ZNF442: variants seen among roughly 807,000 people sequenced by gnomAD.
The protein encoded by ZNF442 is zinc finger protein 442.
A neutral mutation model predicts 57.0 loss-of-function variants in ZNF442; 45 were observed. The observed-to-expected ratio is 0.79, with a 90% confidence interval of 0.62 to 1.01. The LOEUF (loss-of-function observed/expected upper bound fraction) is 1.01, where lower values mean the gene tolerates loss of function less well. Ranked by LOEUF, ZNF442 falls within the 50% of genes least tolerant of loss-of-function variation. The pLI is 0.00. For synonymous variants in ZNF442, 213 were observed against 241.8 expected, an observed-to-expected ratio of 0.88 and a Z score of 1.10; for missense variants, 690 against 756.5, an observed-to-expected ratio of 0.91 and a Z score of 1.03.
chr19:12,347,192 T>C lies in ZNF442; in HGVS notation c.*2509A>G, dbSNP rs1969144354. The C allele has an allele frequency of 6.6e-6, 1 of 152,138 alleles. No homozygotes were observed. The highest frequency in any genetic ancestry group is 1.5e-5 in the Non-Finnish European group (1 of 68,022). 9.4% of individuals were successfully genotyped at this position (152,138 alleles called of 1,614,324 possible). Reference sequence around the variant, plus strand: ...CTCATGAATACTTCAATGAAACAGCTCTTATCAAGGCCCCCAGTGACCAAA... The same window carrying C: ...CTCATGAATACTTCAATGAAACAGCCCTTATCAAGGCCCCCAGTGACCAAA... On this transcript the variant is annotated 3_prime_UTR_variant, in exon 6 of 6. Transcript: ENST00000242804.
chr19:12,358,023 C>T (rs898789910), intron 3 of ZNF442, among the ~76,000 whole-genome samples: 2 of 148,410 alleles, frequency 1.3e-5, no homozygotes, highest in South Asian at 4.2e-4. Flanking sequence ...AGTGCAATGG[C>T]GCGATCTCGG....
intron 3 of ZNF442, among the ~76,000 whole-genome samples, 181 bp from the exon 4 acceptor site, chr19:12,353,295 G>A (rs1304204424): frequency 6.6e-6 from 1 of 152,194 alleles, no homozygotes; most frequent in Non-Finnish European, 1.5e-5. Context: ...TGCTAGAATT[G>A]AATGTTGTTG....
intron 3 of ZNF442, among the ~76,000 whole-genome samples, chr19:12,362,561 C>A (rs758333806): frequency 4.6e-4 from 70 of 151,518 alleles, no homozygotes; most frequent in Non-Finnish European, 3.1e-4. Flanking sequence ...CAGCTCCCGC[C>A]CGGCCAGCCA....
At position 12,349,506 on chromosome 19, in the gene ZNF442, A is replaced by G. The variant is rs1969177481; in HGVS notation, c.*195T>C. On this transcript the variant is annotated 3_prime_UTR_variant, in exon 6 of 6. Transcript: ENST00000242804. ...TTACATGCAAATGTCCTTTTATAAA[A>G]GGAACACAGCATCTGTGGATTTAGG... 2.0e-6 allele frequency: 1 copy of G among 498,164 alleles called. No individual in the cohort carries two copies. The allele number at this position is 498,164 out of a possible 1,614,324, so 30.9% of individuals were successfully genotyped here. A position where few individuals can be genotyped will look rare whatever the true frequency, so the allele number is the denominator to read the frequency against.
At chr19:12,367,249 C>T (rs983776986), upstream of ZNF442, among the ~76,000 whole-genome samples, 116 of 152,236 alleles carry the variant, frequency 7.6e-4, no homozygotes, top group Middle Eastern at 3.4e-3. Context: ...CATCACATAT[C>T]GGCAGGTTCC....
At chr19:12,362,102 T>C (rs1969439764) in intron 3 of ZNF442, among the ~76,000 whole-genome samples, 1 of 152,158 alleles carries the variant, frequency 6.6e-6, no homozygotes, top group East Asian at 1.9e-4. Flanking sequence ...TGCCTTGGCC[T>C]CCCAAAGTGC....
chr19:12,370,035 G>A (rs1407078553), upstream of ZNF442, among the ~76,000 whole-genome samples: 1 of 151,988 alleles, frequency 6.6e-6, no homozygotes, highest in African/African-American at 2.4e-5. Flanking sequence ...TAGTTTCTTA[G>A]AAGATAATTT....
chr19:12,368,748 A>C (rs907976887), upstream of ZNF442, among the ~76,000 whole-genome samples: 2 of 152,180 alleles, frequency 1.3e-5, no homozygotes, highest in African/African-American at 4.8e-5. Flanking sequence ...AGGACAGATA[A>C]TAAAGAAATC....
Position 12,362,408 on chromosome 19 carries a change from C to T in ZNF442, c.78+1146G>A, listed in dbSNP as rs1286065373. On this transcript the variant is annotated intron_variant, in intron 3 of 5. Coordinates refer to ENST00000242804, the MANE Select transcript of ZNF442 (RefSeq NM_030824.3). ...GAACTGAGGAGTGTCTCTGCCCGAC[C>T]GCCACCCCGTCTGGGAGGTAAGGAG... is the stretch of plus-strand genomic sequence containing the variant. Among the ~76,000 whole-genome samples, 17 of 151,518 alleles carry T rather than the reference C, an allele frequency of 1.1e-4. No individual in the cohort carries two copies. In the South Asian group the frequency reaches 2.3e-3, roughly 20 times the overall value.
chr19:12,370,223 G>A (rs1039302448), upstream of ZNF442, among the ~76,000 whole-genome samples: 12 of 151,412 alleles, frequency 7.9e-5, no homozygotes, highest in Non-Finnish European at 1.5e-4. Flanking sequence ...TTCTGGGGGT[G>A]GTGGGAGACA....
Position 12,350,899 on chromosome 19 carries a change from C to T in ZNF442, c.686G>A (p.Arg229Lys), listed in dbSNP as rs1229689051. The T allele has an allele frequency of 6.2e-7, 1 of 1,614,166 alleles. No individual in the cohort carries two copies. Among genetic ancestry groups the T allele is most frequent in the Admixed American group, 1.7e-5 (1 of 60,018 alleles). The change falls in exon 6 of 6, where the codon AGA becomes AAA. Residue 229 changes from arginine to lysine, a missense_variant. Coordinates refer to ENST00000242804, the MANE Select transcript of ZNF442 (RefSeq NM_030824.3). ...ATACGGTTTCTCTCCAGTGTGAGTT[C>T]TTTCATGCATACGAAATAAACTAGG... ...FWPSLFRMHE[R>K]THTGEKPYEC...
At chr19:12,372,104 A>G in the ZNF442 span, among the ~76,000 whole-genome samples, 2 of 152,190 alleles carry the variant, frequency 1.3e-5, no homozygotes, top group Non-Finnish European at 2.9e-5. Context: ...CAAGAGAAAA[A>G]CAAACACCAC....
chr19:12,348,358 TAAATAA>T lies in ZNF442; in HGVS notation c.*1337_*1342del, dbSNP rs1032988954. 1 of 151,662 alleles carries T rather than the reference TAAATAA, an allele frequency of 6.6e-6. No individual in the cohort carries two copies. Among genetic ancestry groups the T allele is most frequent in the Non-Finnish European group, 1.5e-5 (1 of 67,936 alleles). The allele number at this position is 151,662 out of a possible 1,614,324, so 9.4% of individuals were successfully genotyped here. On this transcript the variant is annotated 3_prime_UTR_variant, in exon 6 of 6. Transcript: ENST00000242804. ...AACTCAGTCTCAAATGATAAATAAA[TAAATAA>T]AAATAAAAATAAAATAAAGATTGCC...
chr19:12,361,708 C>T (rs1396297021), intron 3 of ZNF442, among the ~76,000 whole-genome samples: 1 of 128,082 alleles, frequency 7.8e-6, no homozygotes, highest in African/African-American at 2.9e-5. Flanking sequence ...CTCTCGCTGT[C>T]CCCACGGTCT....
Position 12,351,655 on chromosome 19 carries a change from G to A in ZNF442, c.267-337C>T, listed in dbSNP as rs542715217. 163 of 307,420 alleles carry A rather than the reference G, an allele frequency of 5.3e-4. 4 individuals carry two copies. The highest frequency in any genetic ancestry group is 2.8e-3 in the African/African-American group (130 of 45,956). The allele number at this position is 307,420 out of a possible 1,614,324, so 19.0% of individuals were successfully genotyped here. ...CGAGTAACTGGGACTACACACATGC[G>A]CCACCACGCCCAGCTAATTTTTGTA... On this transcript the variant is annotated intron_variant, in intron 5 of 5. Transcript: ENST00000242804.
intron 3 of ZNF442, among the ~76,000 whole-genome samples, chr19:12,355,136 A>G (rs1251353608): frequency 1.3e-5 from 2 of 151,678 alleles, no homozygotes; most frequent in African/African-American, 4.8e-5. Context: ...ATAAAAATAC[A>G]AAAAACTAGC....
intron 4 of ZNF442, among the ~76,000 whole-genome samples, chr19:12,352,379 A>G (rs1226196248): frequency 2.0e-5 from 3 of 152,098 alleles, no homozygotes; most frequent in Non-Finnish European, 1.5e-5. Flanking sequence ...CACCACACCC[A>G]GCTAATTTCT....
chr19:12,361,585 T>A (rs1417899471), intron 3 of ZNF442, among the ~76,000 whole-genome samples: 1 of 152,152 alleles, frequency 6.6e-6, no homozygotes, highest in Non-Finnish European at 1.5e-5. Flanking sequence ...AAATTCCATT[T>A]GAATAATCAG....
upstream of ZNF442, among the ~76,000 whole-genome samples, chr19:12,366,967 G>T (rs1969539454): frequency 6.6e-6 from 1 of 152,128 alleles, no homozygotes; most frequent in African/African-American, 2.4e-5. Context: ...TACTTATTAA[G>T]CACACACCAT....
Sources: gnomAD v4.1 joint callset for allele counts (sites outside exome capture counted in the v4.1 genomes callset) on GRCh38, gnomAD v4.1.1 for gene constraint, MANE v1.5 for transcripts, NCBI Gene and HGNC (gene_info 2026-07-23, HGNC 2026-07-21) for gene names.